SCN1A: variants seen among roughly 807,000 people sequenced by gnomAD.
SCN1A encodes sodium voltage-gated channel alpha subunit 1, also known as sodium channel protein type 1 subunit alpha.
Under a neutral mutation model 193.7 loss-of-function variants are expected in SCN1A, and 13 were observed. The ratio of observed to expected loss-of-function variants is 0.07; its 90% confidence interval spans 0.04 to 0.11. The LOEUF (loss-of-function observed/expected upper bound fraction) is 0.11. SCN1A is among the 10% of genes least tolerant of loss of function. SCN1A has a pLI of 1.00. For missense variants in SCN1A, 1,432 were observed against 2,451.1 expected, an observed-to-expected ratio of 0.58 and a Z score of 8.78; for synonymous variants, 781 against 843.6, an observed-to-expected ratio of 0.93 and a Z score of 1.29.
chr2:166,006,610 AAC>A (rs765415503), intron 23 of SCN1A, among the ~76,000 whole-genome samples: 20 of 151,520 alleles, frequency 1.3e-4, no homozygotes, highest in Non-Finnish European at 1.9e-4. Context: ...TTTTGTTTAC[AAC>A]ACAATTCACA....
At chr2:166,148,761 T>C (rs1282688753) in intron 1 of SCN1A, among the ~76,000 whole-genome samples, 1 of 152,186 alleles carries the variant, frequency 6.6e-6, no homozygotes, top group Non-Finnish European at 1.5e-5. Flanking sequence ...AATAATGCTC[T>C]CCTACAACAC....
chr2:166,038,092 T>C lies in SCN1A; in HGVS notation c.2630A>G (p.Asn877Ser), dbSNP rs751661051. The change falls in exon 18 of 29, where the codon AAT becomes AGT. Residue 877 changes from asparagine (N) to serine (S), a missense_variant. Physicochemically the swap from Asn to Ser is conservative, Grantham distance 46 (BLOSUM62 1). This residue lies in a region of SCN1A where 93 missense variants were observed against 260.4 expected (regional missense o/e 0.36). Coordinates refer to ENST00000674923, the MANE Select transcript of SCN1A (RefSeq NM_001165963.4). ...FKLAKSWPTL[N>S]MLIKIIGNSV... ...ATTGCCGATGATCTTTATTAGCATA[T>C]TTAACGTTGGCCAAGATTTTGCCAA... 3.7e-6 allele frequency: 6 copies of C among 1,613,150 alleles called. No individual in the cohort carries two copies. In the African/African-American group the frequency reaches 6.7e-5, roughly 18 times the overall value.
chr2:166,012,127 C>T lies in SCN1A; in HGVS notation c.3861G>A (p.Leu1287=). The T allele has an allele frequency of 6.2e-7, 1 of 1,609,858 alleles. No homozygotes were observed. The highest frequency in any genetic ancestry group is 8.5e-7 in the Non-Finnish European group (1 of 1,177,000). ...QTYFTNAWCW[L]DFLIVDVSLV... ...TACCTACATCAACAATTAAGAAGTC[C>T]AGCCAACACCAGGCATTGGTGAAAT... The change falls in exon 22 of 29, where the codon CTG becomes CTA. Residue 1287 remains leucine (L), a synonymous_variant. Transcript: ENST00000674923.
intron 16 of SCN1A, among the ~76,000 whole-genome samples, chr2:166,040,075 C>T (rs912743218): frequency 2.0e-5 from 3 of 151,908 alleles, no homozygotes; most frequent in Non-Finnish European, 4.4e-5. Flanking sequence ...CCCGCCACCA[C>T]GCCCGCCTAA....
In SCN1A at chr2:166,126,968, T is replaced by C; in HGVS notation, c.-186A>G. The C allele has an allele frequency of 6.6e-6, 1 of 152,388 alleles. No homozygotes were observed. Among genetic ancestry groups the C allele is most frequent in the Non-Finnish European group, 1.5e-5 (1 of 68,066 alleles). The allele number at this position is 152,388 out of a possible 1,614,324, so 9.4% of individuals were successfully genotyped here. On this transcript the variant is annotated 5_prime_UTR_variant, in exon 2 of 29. Coordinates refer to ENST00000674923, the MANE Select transcript of SCN1A (RefSeq NM_001165963.4). ...GGAAATCCATGATAGCAAAGACATT[T>C]GGACAAGCCTCACCTCCACTCAGAA...
chr2:166,116,031 A>G (rs552919225), intron 2 of SCN1A, among the ~76,000 whole-genome samples: 19 of 152,360 alleles, frequency 1.2e-4, no homozygotes, highest in African/African-American at 4.3e-4. Flanking sequence ...CAGAAATGCA[A>G]TTAGTTCTTT....
At chr2:166,020,389 T>C (rs1693890913) in intron 19 of SCN1A, among the ~76,000 whole-genome samples, 2 of 152,210 alleles carry the variant, frequency 1.3e-5, no homozygotes, top group Non-Finnish European at 2.9e-5. Context: ...ACAAAATTAA[T>C]GACACTTGCA....
At chr2:166,065,755 C>G (rs1176471280) in intron 4 of SCN1A, among the ~76,000 whole-genome samples, 1 of 152,044 alleles carries the variant, frequency 6.6e-6, no homozygotes, top group African/African-American at 2.4e-5. Flanking sequence ...CCACAGATTA[C>G]AAACTAAAAT....
chr2:166,050,960 C>T (rs1453673167), intron 9 of SCN1A, among the ~76,000 whole-genome samples: 1 of 151,738 alleles, frequency 6.6e-6, no homozygotes, highest in Non-Finnish European at 1.5e-5. Flanking sequence ...CCATTATTTT[C>T]CCCAGTGTAC....
chr2:166,056,379 T>A (rs1037487573), intron 6 of SCN1A, 32 bp downstream of exon 6: 5 of 1,267,506 alleles, frequency 3.9e-6, no homozygotes, highest in Non-Finnish European at 5.8e-6. Flanking sequence ...CCCAAATGTA[T>A]ATATGTTATT....
intron 11 of SCN1A, 40 bp downstream of exon 11, chr2:166,047,587 A>G: frequency 6.2e-7 from 1 of 1,608,156 alleles, no homozygotes; most frequent in South Asian, 1.1e-5. Flanking sequence ...TTTCTTGTAT[A>G]CTTTTACTTA....
chr2:166,007,877 A>T (rs1691864539), intron 23 of SCN1A, among the ~76,000 whole-genome samples: 1 of 151,256 alleles, frequency 6.6e-6, no homozygotes, highest in South Asian at 2.1e-4. Context: ...CTTATATCCA[A>T]CCTCACCATC....
chr2:165,985,339 G>A (rs539721483), downstream of SCN1A: 1 of 150,912 alleles, frequency 6.6e-6, no homozygotes, highest in East Asian at 2.0e-4. Context: ...AAGGTAGGAG[G>A]GGGAGGTAAA....
intron 19 of SCN1A, among the ~76,000 whole-genome samples, chr2:166,024,710 T>A (rs1254889533): frequency 6.6e-6 from 1 of 152,230 alleles, no homozygotes; most frequent in African/African-American, 2.4e-5. Flanking sequence ...TCACCCAGGC[T>A]GGAGTGCAGT....
chr2:166,055,272 T>TA (rs1699013346), intron 6 of SCN1A, among the ~76,000 whole-genome samples: 1 of 151,770 alleles, frequency 6.6e-6, no homozygotes, highest in Non-Finnish European at 1.5e-5. Flanking sequence ...TCTAGGGTTA[T>TA]AAGAAGTAAA....
In SCN1A at chr2:166,046,838, C is replaced by A; in HGVS notation, c.1309G>T (p.Ala437Ser). Residue 437 changes from alanine (A) to serine (S), a missense_variant, in exon 12 of 29, where the codon GCA becomes TCA. By Grantham distance (99) the Ala-to-Ser change is moderately conservative (BLOSUM62 1). Coordinates refer to ENST00000674923, the MANE Select transcript of SCN1A (RefSeq NM_001165963.4). ...TGAAATTCGGCCTCTTTCTGTTCTG[C>A]TTCTTCCAAGGTGGCCTGATTCTGT... The part of the protein sequence containing the change: ...EEQNQATLEE[A>S]EQKEAEFQQM... 6.2e-7 allele frequency: 1 copy of A among 1,613,946 alleles called. No homozygotes were observed. Among genetic ancestry groups the A allele is most frequent in the Non-Finnish European group, 8.5e-7 (1 of 1,179,900 alleles).
At chr2:166,075,167 T>A (rs1339570785) in intron 3 of SCN1A, 1 of 152,138 alleles carries the variant, frequency 6.6e-6, no homozygotes, top group African/African-American at 2.4e-5. Context: ...AATATTCTGA[T>A]GTATATATAT....
intron 2 of SCN1A, chr2:166,126,580 G>GATTT (rs1691268126): frequency 6.6e-6 from 1 of 152,184 alleles, no homozygotes; most frequent in African/African-American, 2.4e-5. Context: ...CTCTTGGGAT[G>GATTT]ATTTAAAGTG....
chr2:166,000,157 G>A, intron 24 of SCN1A: 2 of 230,660 alleles, frequency 8.7e-6, no homozygotes, highest in Non-Finnish European at 1.7e-5. Context: ...TTAGATCTAA[G>A]GATCATCTGC....
Sources: gnomAD v4.1 joint callset for allele counts (sites outside exome capture counted in the v4.1 genomes callset) on GRCh38, gnomAD v4.1.1 for gene constraint, gnomAD v4.1.1 regional missense constraint, MANE v1.5 for transcripts, NCBI Gene and HGNC (gene_info 2026-07-23, HGNC 2026-07-21) for gene names.